The following PTPRO variants were observed in gnomAD, a reference collection of about 807,000 sequenced individuals.
The protein encoded by PTPRO is protein tyrosine phosphatase receptor type O.
PTPRO carries 62 observed loss-of-function variants against 145.2 expected under a neutral mutation model. The ratio of observed to expected loss-of-function variants is 0.43; its 90% CI spans 0.35 to 0.53. The LOEUF is 0.53. Among genes scored for constraint, PTPRO ranks in the 20% least tolerant of loss-of-function variants. The pLI is 0.01. For missense variants in PTPRO, 1,345 were observed against 1,482.7 expected (o/e 0.91, Z 1.53); for synonymous variants, 565 against 514.7 (o/e 1.10, Z -1.32).
chr12:15,492,815 C>T (rs914570593), intron 2 of PTPRO, among the ~76,000 whole-genome samples: 9 of 152,176 alleles, frequency 5.9e-5, no homozygotes, highest in African/African-American at 2.2e-4. Flanking sequence ...AGGCAATTCA[C>T]AGGCATGGAA....
intron 1 of PTPRO, among the ~76,000 whole-genome samples, chr12:15,420,775 A>G (rs1591796327): frequency 6.6e-6 from 1 of 152,186 alleles, no homozygotes; most frequent in Non-Finnish European, 1.5e-5. Context: ...GAATTTGTCA[A>G]GTTAATGGGC....
At chr12:15,545,851 T>G (rs1440653436) in intron 12 of PTPRO, among the ~76,000 whole-genome samples, 1 of 151,924 alleles carries the variant, frequency 6.6e-6, no homozygotes, top group African/African-American at 2.4e-5. Flanking sequence ...TTGAGCAACA[T>G]GGCAAAACTC....
chr12:15,384,453 T>C (rs1591762811), intron 1 of PTPRO, among the ~76,000 whole-genome samples: 1 of 152,200 alleles, frequency 6.6e-6, no homozygotes, highest in East Asian at 1.9e-4. Flanking sequence ...AGGTTCTGGC[T>C]GATTTGATTG....
chr12:15,398,261 T>A (rs1939397090), intron 1 of PTPRO, among the ~76,000 whole-genome samples: 1 of 152,182 alleles, frequency 6.6e-6, no homozygotes, highest in South Asian at 2.1e-4. Context: ...TGTTTGAATG[T>A]TCGAAACAAT....
intron 1 of PTPRO, among the ~76,000 whole-genome samples, chr12:15,447,439 T>C (rs569788769): frequency 6.6e-6 from 1 of 152,260 alleles, no homozygotes; most frequent in Non-Finnish European, 1.5e-5. Context: ...CTATTTCATT[T>C]ATGAGTTTAA....
intron 1 of PTPRO, among the ~76,000 whole-genome samples, chr12:15,431,949 C>T (rs534682314): frequency 6.6e-6 from 1 of 152,204 alleles, no homozygotes; most frequent in South Asian, 2.1e-4. Flanking sequence ...TTTTTGGACA[C>T]TAATACTCAT....
At chr12:15,352,790 A>G (rs1271135232) in intron 1 of PTPRO, among the ~76,000 whole-genome samples, 1 of 152,132 alleles carries the variant, frequency 6.6e-6, no homozygotes, top group Non-Finnish European at 1.5e-5. Flanking sequence ...TTCAGCCTTG[A>G]TACACACGAA....
At chr12:15,409,399 CT>C (rs780319494) in intron 1 of PTPRO, among the ~76,000 whole-genome samples, 97 of 152,124 alleles carry the variant, frequency 6.4e-4, no homozygotes, top group Non-Finnish European at 9.0e-4. Context: ...ATAAAATTTG[CT>C]TTCATTTGTC....
chr12:15,535,657 G>A (rs575365498), intron 12 of PTPRO, among the ~76,000 whole-genome samples: 27 of 152,208 alleles, frequency 1.8e-4, no homozygotes, highest in Non-Finnish European at 3.4e-4. Context: ...CAGTCATTTC[G>A]TACTTTTTAT....
At chr12:15,482,757 C>T (rs1292483107) in intron 1 of PTPRO, among the ~76,000 whole-genome samples, 1 of 152,086 alleles carries the variant, frequency 6.6e-6, no homozygotes, top group Non-Finnish European at 1.5e-5. Flanking sequence ...GCCATTCCTT[C>T]ACTGATGTAA....
intron 1 of PTPRO, among the ~76,000 whole-genome samples, chr12:15,324,900 T>A (rs1478061585): frequency 1.3e-5 from 2 of 152,208 alleles, no homozygotes; most frequent in African/African-American, 4.8e-5. Context: ...GGGCACATGG[T>A]ATAATCTCTT....
At chr12:15,364,424 T>C (rs563511586) in intron 1 of PTPRO, among the ~76,000 whole-genome samples, 8 of 152,318 alleles carry the variant, frequency 5.3e-5, no homozygotes, top group South Asian at 2.1e-4. Context: ...TGGAAATATT[T>C]ACTGTAATTG....
chr12:15,477,590 C>T (rs1405092219), intron 1 of PTPRO, among the ~76,000 whole-genome samples: 1 of 152,080 alleles, frequency 6.6e-6, no homozygotes, highest in Non-Finnish European at 1.5e-5. Context: ...CAGGATCCAA[C>T]CCCACTGGGT....
intron 1 of PTPRO, among the ~76,000 whole-genome samples, chr12:15,361,220 G>GA (rs1223175693): frequency 2.6e-5 from 4 of 151,594 alleles, no homozygotes; most frequent in African/African-American, 9.7e-5. Flanking sequence ...GGCAGATCAC[G>GA]AGGTTAGGAG....
At chr12:15,593,401 CTG>C (rs1944593596) in intron 25 of PTPRO, among the ~76,000 whole-genome samples, 1 of 152,166 alleles carries the variant, frequency 6.6e-6, no homozygotes, top group Admixed American at 6.5e-5. Flanking sequence ...AGGAGGAACA[CTG>C]TGAAATTACC....
chr12:15,535,874 A>G (rs1003637353), intron 12 of PTPRO, among the ~76,000 whole-genome samples: 1 of 152,194 alleles, frequency 6.6e-6, no homozygotes, highest in Admixed American at 6.5e-5. Flanking sequence ...GAAATCTTTA[A>G]AACATAATTT....
intron 1 of PTPRO, among the ~76,000 whole-genome samples, chr12:15,420,147 A>G (rs1463232821): frequency 3.7e-5 from 2 of 53,682 alleles, no homozygotes; most frequent in African/African-American, 1.3e-4. Context: ...ACTCCGACTC[A>G]GAAAAAAAAA....
chr12:15,406,212 C>T (rs1939643237), intron 1 of PTPRO, among the ~76,000 whole-genome samples: 1 of 152,144 alleles, frequency 6.6e-6, no homozygotes, highest in East Asian at 1.9e-4. Context: ...ACCACAATTA[C>T]ACATGCAATC....
Position 15,478,575 on chromosome 12 carries a change from C to A in PTPRO, c.76-5399C>A, listed in dbSNP as rs533603026. ...TTGGGTATGGGGAAGGGAGAAGAAGCAGTTAGAGAGTTCTGTTTACCCTAT... is the reference window on the plus strand; with the variant it reads ...TTGGGTATGGGGAAGGGAGAAGAAGAAGTTAGAGAGTTCTGTTTACCCTAT... On this transcript the variant is annotated intron_variant, in intron 1 of 26. Coordinates refer to ENST00000281171, the MANE Select transcript of PTPRO (RefSeq NM_030667.3). 5.3e-5 allele frequency among the ~76,000 whole-genome samples: 8 copies of A among 152,218 alleles called. No homozygotes were observed. The South Asian group carries it at 1.7e-3, about 32-fold the overall frequency.
Sources: allele counts gnomAD v4.1 joint callset (sites outside exome capture counted in the v4.1 genomes callset), GRCh38; gene constraint gnomAD v4.1.1; transcripts MANE v1.5; gene names NCBI Gene and HGNC (gene_info 2026-07-23, HGNC 2026-07-21).